Variants in LRCH1 observed in about 807,000 individuals in gnomAD.
LRCH1 encodes the protein leucine rich repeats and calponin homology domain containing 1.
In LRCH1, 23 loss-of-function variants were observed where a neutral mutation model predicts 94.9. The ratio of observed to expected loss-of-function variants is 0.24; its 90% CI spans 0.17 to 0.34. LRCH1 has a LOEUF of 0.34. Among genes scored for constraint, LRCH1 ranks in the 10% least tolerant of loss-of-function variants. The pLI is 1.00. For synonymous variants in LRCH1, 364 were observed against 354.9 expected (o/e 1.03, Z -0.29); for missense variants, 790 against 945.9 (o/e 0.84, Z 2.16).
intron 13 of LRCH1, among the ~76,000 whole-genome samples, chr13:46,710,599 G>A (rs1277446200): frequency 6.6e-6 from 1 of 152,196 alleles, no homozygotes; most frequent in East Asian, 1.9e-4. Context: ...CAAACCTGAA[G>A]TTACTTGTTA....
intron 1 of LRCH1, among the ~76,000 whole-genome samples, chr13:46,578,444 C>T (rs985540781): frequency 3.3e-5 from 5 of 152,100 alleles, no homozygotes; most frequent in Non-Finnish European, 5.9e-5. Flanking sequence ...CATTAAAATT[C>T]GGAGGAAAAT....
intron 1 of LRCH1, among the ~76,000 whole-genome samples, chr13:46,628,734 G>T (rs2050982290): frequency 6.6e-6 from 1 of 151,716 alleles, no homozygotes; most frequent in East Asian, 1.9e-4. Context: ...GGACCCTGGT[G>T]CAGTGTGGGG....
intron 11 of LRCH1, among the ~76,000 whole-genome samples, chr13:46,704,032 A>G (rs1277461052): frequency 1.3e-5 from 2 of 152,118 alleles, no homozygotes; most frequent in African/African-American, 2.4e-5. Flanking sequence ...AAAATTTTAT[A>G]TGGATTCTTT....
intron 2 of LRCH1, among the ~76,000 whole-genome samples, chr13:46,659,812 A>G (rs1294469408): frequency 6.6e-6 from 1 of 152,100 alleles, no homozygotes; most frequent in Non-Finnish European, 1.5e-5. Context: ...TGGCCCCTCA[A>G]GTAAATTAGT....
chr13:46,658,892 G>C (rs1389252828), intron 2 of LRCH1, among the ~76,000 whole-genome samples: 1 of 152,204 alleles, frequency 6.6e-6, no homozygotes, highest in Admixed American at 6.5e-5. Context: ...GATTGGTCAA[G>C]TTTTGCTATG....
chr13:46,690,727 C>T (rs1343326250), intron 7 of LRCH1, among the ~76,000 whole-genome samples: 1 of 152,178 alleles, frequency 6.6e-6, no homozygotes, highest in Non-Finnish European at 1.5e-5. Context: ...CTTTCCTTGT[C>T]TTATATTACA....
rs17068653 is a variant in LRCH1, at chr13:46,701,302, G to A, written c.1400+95G>A. 7.0e-3 allele frequency: 5,991 copies of A among 852,274 alleles called. 272 individuals are homozygous for A. The African/African-American group carries it at 0.091, about 13-fold the overall frequency. The allele number at this position is 852,274 out of a possible 1,614,324, so 52.8% of individuals were successfully genotyped here. On this transcript the variant is annotated intron_variant, in intron 11 of 19. Coordinates refer to ENST00000389797, the MANE Select transcript of LRCH1 (RefSeq NM_001164211.2). ...AAATTCCTAAAATACCTACACAGAC[G>A]ATTTTGGCCCAGTCCAGCTACTAAC...
intron 1 of LRCH1, among the ~76,000 whole-genome samples, chr13:46,628,434 G>A (rs576871159): frequency 6.6e-6 from 1 of 152,128 alleles, no homozygotes; most frequent in African/African-American, 2.4e-5. Flanking sequence ...TCAGGAGTTC[G>A]AGACCTGACC....
chr13:46,561,215 C>T (rs1213164535), intron 1 of LRCH1, among the ~76,000 whole-genome samples: 1 of 152,254 alleles, frequency 6.6e-6, no homozygotes, highest in Non-Finnish European at 1.5e-5. Flanking sequence ...GCTCAACTGA[C>T]TATACCTGAA....
intron 1 of LRCH1, among the ~76,000 whole-genome samples, chr13:46,555,560 C>G (rs746063912): frequency 6.7e-6 from 1 of 149,720 alleles, no homozygotes; most frequent in African/African-American, 2.4e-5. Context: ...TTGTTTATGG[C>G]AAGCTTAAGT....
Position 46,628,675 on chromosome 13 carries a change from A to C in LRCH1, c.308-21526A>C, listed in dbSNP as rs546637391. On this transcript the variant is annotated intron_variant, in intron 1 of 19. Transcript: ENST00000389797. ...CTGTCTCAGGGAAGAAAAAAAAAAA[A>C]AAAACACAAGGCCCGGCAGGCTGAG... Among the ~76,000 whole-genome samples, 150 of 151,816 alleles carry C rather than the reference A, an allele frequency of 9.9e-4. 2 individuals carry two copies. In the East Asian group the frequency reaches 0.025, roughly 25 times the overall value.
At chr13:46,667,641 C>T (rs1217862252) in intron 2 of LRCH1, among the ~76,000 whole-genome samples, 5 of 151,270 alleles carry the variant, frequency 3.3e-5, no homozygotes, top group East Asian at 3.9e-4. Context: ...CAAACCTGCA[C>T]GTTGTGCACA....
intron 4 of LRCH1, among the ~76,000 whole-genome samples, chr13:46,682,756 T>C (rs1593349332): frequency 1.3e-5 from 2 of 152,194 alleles, no homozygotes; most frequent in East Asian, 3.9e-4. Context: ...GAGACATGGC[T>C]CCCAACCATC....
chr13:46,726,883 A>AAG (rs1872843840), intron 17 of LRCH1, among the ~76,000 whole-genome samples: 1 of 142,360 alleles, frequency 7.0e-6, no homozygotes, highest in Non-Finnish European at 1.6e-5. Context: ...AAAAAAAAAA[A>AAG]AAGGCAACTA....
chr13:46,591,354 A>G (rs1260563497), intron 1 of LRCH1, among the ~76,000 whole-genome samples: 1 of 152,214 alleles, frequency 6.6e-6, no homozygotes, highest in Non-Finnish European at 1.5e-5. Context: ...ATAAACCCTC[A>G]TTAATATCTA....
intron 1 of LRCH1, among the ~76,000 whole-genome samples, chr13:46,573,408 G>A (rs2050262205): frequency 6.6e-6 from 1 of 152,146 alleles, no homozygotes; most frequent in Admixed American, 6.5e-5. Context: ...AATCAGTACA[G>A]CAAAGAGATA....
At chr13:46,610,174 G>C (rs1425312048) in intron 1 of LRCH1, among the ~76,000 whole-genome samples, 1 of 152,292 alleles carries the variant, frequency 6.6e-6, no homozygotes, top group South Asian at 2.1e-4. Flanking sequence ...ATTTGGGAGA[G>C]AGTTTGAAAT....
intron 1 of LRCH1, among the ~76,000 whole-genome samples, chr13:46,631,004 G>A (rs2051011027): frequency 6.6e-6 from 1 of 152,122 alleles, no homozygotes; most frequent in African/African-American, 2.4e-5. Flanking sequence ...CCTCAAGATT[G>A]GGATCTGCAC....
At chr13:46,581,839 C>T (rs960930729) in intron 1 of LRCH1, among the ~76,000 whole-genome samples, 19 of 152,196 alleles carry the variant, frequency 1.2e-4, no homozygotes, top group Admixed American at 5.9e-4. Context: ...TTTGTCCCCC[C>T]ATTCCATAAT....
Sources: allele counts gnomAD v4.1 joint callset (sites outside exome capture counted in the v4.1 genomes callset), GRCh38; gene constraint gnomAD v4.1.1; transcripts MANE v1.5; gene names NCBI Gene and HGNC (gene_info 2026-07-23, HGNC 2026-07-21).